LRP1B: variants seen among roughly 807,000 people sequenced by gnomAD.
The protein encoded by LRP1B is low-density lipoprotein receptor-related protein 1B.
Under a neutral mutation model 556.6 loss-of-function variants are expected in LRP1B, and 217 were observed. The ratio of observed to expected loss-of-function variants is 0.39; its 90% CI spans 0.35 to 0.44. The LOEUF is 0.44. Ranked by LOEUF, LRP1B falls within the 20% of genes least tolerant of loss-of-function variation. The pLI, the probability that LRP1B is intolerant of heterozygous loss-of-function variation, is 1.00. For synonymous variants in LRP1B, 2,047 were observed against 1,865.8 expected, an observed-to-expected ratio of 1.10 and a Z score of -2.50; for missense variants, 5,053 against 5,620.8, an observed-to-expected ratio of 0.90 and a Z score of 3.23.
chr2:141,857,427 A>C (rs565982573), intron 1 of LRP1B, among the ~76,000 whole-genome samples: 36 of 151,638 alleles, frequency 2.4e-4, no homozygotes, highest in African/African-American at 8.7e-4. Context: ...TGCAGCCTCA[A>C]CCTCCCAGAC....
At chr2:141,355,487 T>A (rs1365936252) in intron 3 of LRP1B, among the ~76,000 whole-genome samples, 1 of 152,000 alleles carries the variant, frequency 6.6e-6, no homozygotes, top group Non-Finnish European at 1.5e-5. Context: ...CCCCATCCCC[T>A]GGCAACCACT....
At chr2:141,162,255 G>C (rs1054801148) in intron 7 of LRP1B, among the ~76,000 whole-genome samples, 1 of 152,084 alleles carries the variant, frequency 6.6e-6, no homozygotes, top group Non-Finnish European at 1.5e-5. Flanking sequence ...TGTCATTGCA[G>C]AGCAGGAATA....
chr2:140,301,922 C>T (rs1573756619), intron 83 of LRP1B, among the ~76,000 whole-genome samples: 1 of 151,610 alleles, frequency 6.6e-6, no homozygotes, highest in South Asian at 2.1e-4. Flanking sequence ...CATATATATA[C>T]ATATATACAT....
chr2:141,401,875 AG>A (rs1218404633), intron 3 of LRP1B, among the ~76,000 whole-genome samples: 1 of 152,172 alleles, frequency 6.6e-6, no homozygotes, highest in African/African-American at 2.4e-5. Context: ...TTCCTATTCT[AG>A]ATCCTATAGT....
intron 1 of LRP1B, among the ~76,000 whole-genome samples, chr2:141,876,571 C>G (rs1338158371): frequency 6.6e-6 from 1 of 151,890 alleles, no homozygotes; most frequent in Non-Finnish European, 1.5e-5. Flanking sequence ...TTCAAAAATT[C>G]TATTAGTTCT....
chr2:140,328,721 T>C (rs972154945), intron 79 of LRP1B, among the ~76,000 whole-genome samples: 28 of 152,046 alleles, frequency 1.8e-4, no homozygotes, highest in African/African-American at 6.5e-4. Context: ...TACCATTATG[T>C]CAAATTTATT....
intron 3 of LRP1B, among the ~76,000 whole-genome samples, chr2:141,298,772 T>G (rs899025365): frequency 2.0e-5 from 3 of 151,948 alleles, no homozygotes; most frequent in Admixed American, 6.6e-5. Flanking sequence ...CTGGCCAACA[T>G]GGTGAAACCC....
chr2:141,276,846 T>C (rs1010377074), intron 3 of LRP1B, among the ~76,000 whole-genome samples: 3 of 151,932 alleles, frequency 2.0e-5, no homozygotes, highest in Admixed American at 1.3e-4. Flanking sequence ...TTAGTAGAGA[T>C]GGGGTTTCAC....
intron 1 of LRP1B, among the ~76,000 whole-genome samples, chr2:141,955,192 C>T (rs1701212368): frequency 6.6e-6 from 1 of 152,106 alleles, no homozygotes; most frequent in Admixed American, 6.6e-5. Flanking sequence ...TAGTGTAAGT[C>T]TGTACTAAAT....
At chr2:140,862,359 C>G (rs533418602) in intron 27 of LRP1B, among the ~76,000 whole-genome samples, 1 of 152,304 alleles carries the variant, frequency 6.6e-6, no homozygotes, top group South Asian at 2.1e-4. Context: ...TTTATTGGCA[C>G]ACAGCCACAC....
intron 2 of LRP1B, among the ~76,000 whole-genome samples, chr2:141,569,133 A>T (rs928724515): frequency 3.3e-5 from 5 of 151,122 alleles, no homozygotes; most frequent in African/African-American, 1.2e-4. Flanking sequence ...AAGGAAAGTA[A>T]ATCAGATACA....
At chr2:141,592,852 A>G (rs778671297) in intron 2 of LRP1B, among the ~76,000 whole-genome samples, 5 of 152,144 alleles carry the variant, frequency 3.3e-5, no homozygotes, top group Non-Finnish European at 5.9e-5. Flanking sequence ...TCAAGCATTG[A>G]AGGAAAAACT....
intron 2 of LRP1B, among the ~76,000 whole-genome samples, chr2:141,767,565 T>C (rs1252346525): frequency 6.6e-6 from 1 of 151,994 alleles, no homozygotes; most frequent in East Asian, 1.9e-4. Flanking sequence ...TCTATCCTGC[T>C]CTTAATTTTA....
chr2:140,614,517 T>C (rs1683191149), intron 41 of LRP1B, among the ~76,000 whole-genome samples: 1 of 152,162 alleles, frequency 6.6e-6, no homozygotes, highest in Non-Finnish European at 1.5e-5. Context: ...AGATTGAATA[T>C]CTATTCTAAA....
chr2:141,579,215 G>GACT (rs1686866977), intron 2 of LRP1B, among the ~76,000 whole-genome samples: 1 of 151,498 alleles, frequency 6.6e-6, no homozygotes, highest in East Asian at 2.0e-4. Flanking sequence ...CAGATTCAGT[G>GACT]AATAATAACT....
intron 3 of LRP1B, among the ~76,000 whole-genome samples, chr2:141,369,560 T>C (rs573689401): frequency 6.6e-6 from 1 of 152,332 alleles, no homozygotes; most frequent in East Asian, 1.9e-4. Flanking sequence ...TCAGTCAATT[T>C]ATAAAATATT....
At chr2:141,243,086 A>G (rs1052223873) in intron 5 of LRP1B, among the ~76,000 whole-genome samples, 1 of 152,046 alleles carries the variant, frequency 6.6e-6, no homozygotes, top group African/African-American at 2.4e-5. Context: ...AAAATGTGCA[A>G]GAAGTTTTAC....
intron 82 of LRP1B, among the ~76,000 whole-genome samples, chr2:140,320,633 G>A (rs899335732): frequency 6.6e-6 from 1 of 150,644 alleles, no homozygotes; most frequent in South Asian, 2.1e-4. Context: ...TTGCTATGTT[G>A]CCCAGGCAGG....
At chr2:142,022,237 T>C (rs77252684) in intron 1 of LRP1B, among the ~76,000 whole-genome samples, 10,091 of 151,016 alleles carry the variant, frequency 0.067, 418 homozygotes, top group East Asian at 0.15. Flanking sequence ...AAAAAAATAA[T>C]GGAAAAACAG....
Sources: gnomAD v4.1 joint callset for allele counts (sites outside exome capture counted in the v4.1 genomes callset) on GRCh38, gnomAD v4.1.1 for gene constraint, MANE v1.5 for transcripts, NCBI Gene and HGNC (gene_info 2026-07-23, HGNC 2026-07-21) for gene names.